The following PSMD11 variants were observed in gnomAD, a reference collection of about 807,000 sequenced individuals.
The protein encoded by PSMD11 is 26S proteasome non-ATPase regulatory subunit 11.
A neutral mutation model predicts 62.3 loss-of-function variants in PSMD11; 5 were observed. The observed-to-expected ratio is 0.08, with a 90% CI of 0.04 to 0.17. The LOEUF is 0.17. Among genes scored for constraint, PSMD11 ranks in the 10% least tolerant of loss-of-function variants. The probability of loss-of-function intolerance (pLI) is 1.00; values close to 1 mark genes in which losing one functional copy is unlikely to be tolerated. For synonymous variants in PSMD11, 191 were observed against 191.8 expected, an observed-to-expected ratio of 1.00 and a Z score of 0.03; for missense variants, 310 against 512.9, an observed-to-expected ratio of 0.60 and a Z score of 3.82.
chr17:32,444,999 T>C (rs1405960251), intron 1 of PSMD11: 2 of 251,814 alleles, frequency 7.9e-6, no homozygotes, highest in Non-Finnish European at 1.5e-5. Flanking sequence ...GAGTCTCTAC[T>C]TGAAAGGCCT....
chr17:32,444,554 A>G lies in PSMD11; in HGVS notation c.31A>G (p.Arg11Gly), dbSNP rs1204725569. 6.2e-7 allele frequency: 1 copy of G among 1,610,928 alleles called. No individual in the cohort carries two copies. The highest frequency in any genetic ancestry group is 1.7e-5 in the Admixed American group (1 of 59,828). The change falls in exon 1 of 14, where the codon AGA (arginine) becomes GGA (glycine). Residue 11 changes from arginine (R) to glycine (G), a missense_variant. Coordinates refer to ENST00000261712, the MANE Select transcript of PSMD11 (RefSeq NM_002815.4). MAAAAVVEFQRAQSLLSTDRE... is the reference protein window; with the variant it reads MAAAAVVEFQGAQSLLSTDRE... ...GGCGGCGGCGGTGGTGGAGTTCCAGAGAGCCCAGTCTCTACTCAGCACCGA... is the reference window on the plus strand; with the variant it reads ...GGCGGCGGCGGTGGTGGAGTTCCAGGGAGCCCAGTCTCTACTCAGCACCGA...
At chr17:32,450,209 C>T (rs1341897039) in intron 2 of PSMD11, among the ~76,000 whole-genome samples, 1 of 151,748 alleles carries the variant, frequency 6.6e-6, no homozygotes, top group Non-Finnish European at 1.5e-5. Flanking sequence ...GATCCACCCA[C>T]CTCAGCCTTT....
At position 32,481,077 on chromosome 17, in the gene PSMD11, C is replaced by T. The variant is rs1468033875; in HGVS notation, c.*325C>T. On this transcript the variant is annotated 3_prime_UTR_variant, in exon 14 of 14. Transcript: ENST00000261712. Reference sequence around the variant, plus strand: ...GAGAGGGCCGCAAAGCCAGGCACCCCGCCAACCACTGGGGGTCCTAATCCA... The same window carrying T: ...GAGAGGGCCGCAAAGCCAGGCACCCTGCCAACCACTGGGGGTCCTAATCCA... The T allele has an allele frequency of 2.6e-5, 4 of 155,598 alleles. No individual in the cohort carries two copies. The highest frequency in any genetic ancestry group is 1.9e-4 in the East Asian group (1 of 5,292). The allele number at this position is 155,598 out of a possible 1,614,324, so 9.6% of individuals were successfully genotyped here.
chr17:32,448,029 C>T (rs535132279), intron 2 of PSMD11, among the ~76,000 whole-genome samples: 6 of 151,824 alleles, frequency 4.0e-5, no homozygotes, highest in East Asian at 1.9e-4. Context: ...TACAGGCACG[C>T]GCCACCAAGC....
intron 3 of PSMD11, among the ~76,000 whole-genome samples, chr17:32,460,485 A>G (rs942762141): frequency 4.6e-5 from 7 of 152,160 alleles, no homozygotes; most frequent in African/African-American, 1.4e-4. Context: ...TATAAGACAG[A>G]TATATCTGGT....
At chr17:32,449,473 A>G (rs1188494958) in intron 2 of PSMD11, among the ~76,000 whole-genome samples, 1 of 152,166 alleles carries the variant, frequency 6.6e-6, no homozygotes, top group Non-Finnish European at 1.5e-5. Flanking sequence ...AATTAAGAAC[A>G]GTGTGTGGTA....
chr17:32,451,774 T>G (rs1907507082), intron 2 of PSMD11, among the ~76,000 whole-genome samples: 2 of 152,214 alleles, frequency 1.3e-5, no homozygotes, highest in African/African-American at 4.8e-5. Context: ...AGTCTCACTT[T>G]GTCACCCAAG....
chr17:32,465,460 C>T (rs894414212), intron 5 of PSMD11, among the ~76,000 whole-genome samples: 1 of 151,802 alleles, frequency 6.6e-6, no homozygotes, highest in African/African-American at 2.4e-5. Flanking sequence ...TTTTTCCGAA[C>T]AAAAGAACAT....
At chr17:32,462,767 A>G (rs901253788) in intron 3 of PSMD11, among the ~76,000 whole-genome samples, 12 of 151,746 alleles carry the variant, frequency 7.9e-5, no homozygotes, top group Non-Finnish European at 1.5e-4. Flanking sequence ...GCTCACCGCA[A>G]CCTCCACCTC....
chr17:32,464,933 G>T (rs2150834867), intron 5 of PSMD11, among the ~76,000 whole-genome samples: 1 of 152,092 alleles, frequency 6.6e-6, no homozygotes, highest in Middle Eastern at 3.4e-3. Flanking sequence ...CAAATGTTTG[G>T]CTTACTGTCC....
chr17:32,470,011 T>C (rs1419940072), intron 6 of PSMD11, among the ~76,000 whole-genome samples: 1 of 151,970 alleles, frequency 6.6e-6, no homozygotes, highest in African/African-American at 2.4e-5. Flanking sequence ...TTTTGTTTTG[T>C]TTTTACTTTT....
At chr17:32,463,253 C>T (rs1907893419) in intron 3 of PSMD11, 1 of 152,220 alleles carries the variant, frequency 6.6e-6, no homozygotes, top group Admixed American at 6.5e-5. Flanking sequence ...TTGCACCTTA[C>T]CTCACTACTT....
chr17:32,477,644 C>G lies in PSMD11; in HGVS notation c.912+61C>G, dbSNP rs551172621. 76 of 1,382,542 alleles carry G rather than the reference C, an allele frequency of 5.5e-5. 3 individuals carry two copies. The South Asian group carries it at 9.2e-4, about 17-fold the overall frequency. 85.6% of individuals were successfully genotyped at this position (1,382,542 alleles called of 1,614,324 possible). A position where few individuals can be genotyped will look rare whatever the true frequency, so the allele number is the denominator to read the frequency against. On this transcript the variant is annotated intron_variant, in intron 9 of 13. Transcript: ENST00000261712. The stretch of plus-strand genomic sequence containing the variant: ...GGAAGAGAGGGACGTTTAAGTACTT[C>G]AAAACACACTTTTAAAAATAATTAT...
At chr17:32,455,443 A>C (rs537052885) in intron 3 of PSMD11, among the ~76,000 whole-genome samples, 1 of 152,336 alleles carries the variant, frequency 6.6e-6, no homozygotes, top group Non-Finnish European at 1.5e-5. Context: ...AAACAAATGT[A>C]AAATGGCAGA....
chr17:32,475,808 G>A (rs1908303357), intron 8 of PSMD11, among the ~76,000 whole-genome samples: 1 of 151,752 alleles, frequency 6.6e-6, no homozygotes, highest in South Asian at 2.1e-4. Flanking sequence ...TGGCCAGGCT[G>A]TCCCAAACTC....
chr17:32,478,262 A>C (rs987063690), intron 9 of PSMD11, among the ~76,000 whole-genome samples: 1 of 152,196 alleles, frequency 6.6e-6, no homozygotes, highest in South Asian at 2.1e-4. Context: ...AGAGAGAAAA[A>C]CTTAGTGTGG....
At chr17:32,448,579 G>T (rs892819365) in intron 2 of PSMD11, among the ~76,000 whole-genome samples, 47 of 151,242 alleles carry the variant, frequency 3.1e-4, no homozygotes, top group African/African-American at 1.1e-3. Flanking sequence ...CACCATGTTG[G>T]TCAGGCTGGT....
At chr17:32,471,962 C>T (rs1302339298) in intron 6 of PSMD11, among the ~76,000 whole-genome samples, 1 of 152,032 alleles carries the variant, frequency 6.6e-6, no homozygotes, top group Non-Finnish European at 1.5e-5. Context: ...TCATCAGCCT[C>T]CCAGGCTCAC....
chr17:32,472,343 C>T (rs1419044905), intron 6 of PSMD11, among the ~76,000 whole-genome samples: 1 of 151,454 alleles, frequency 6.6e-6, no homozygotes, highest in African/African-American at 2.4e-5. Context: ...CTGCCTCAGC[C>T]ACCTGAGTAG....
Sources: allele counts gnomAD v4.1 joint callset (sites outside exome capture counted in the v4.1 genomes callset), GRCh38; gene constraint gnomAD v4.1.1; transcripts MANE v1.5; gene names NCBI Gene and HGNC (gene_info 2026-07-23, HGNC 2026-07-21).